MUC17: variants seen among roughly 807,000 people sequenced by gnomAD.
MUC17 encodes mucin 17, cell surface associated, also known as mucin-17.
A neutral mutation model predicts 170.3 loss-of-function variants in MUC17; 190 were observed. The observed-to-expected ratio is 1.12, with a 90% CI of 0.99 to 1.26. MUC17 has a LOEUF of 1.26. MUC17 is among the 50% of genes most tolerant of loss of function. The probability of loss-of-function intolerance (pLI) is 0.00; values close to 1 mark genes in which losing one functional copy is unlikely to be tolerated. For synonymous variants in MUC17, 2,325 were observed against 2,002.5 expected (o/e 1.16, Z -4.30); for missense variants, 6,415 against 5,530.0 (o/e 1.16, Z -5.08).
chr7:101,051,861 C>A lies in MUC17; in HGVS notation c.13002C>A (p.Asp4334Glu). 2 of 1,614,204 alleles carry A rather than the reference C, an allele frequency of 1.2e-6. No individual in the cohort carries two copies. The highest frequency in any genetic ancestry group is 4.5e-5 in the East Asian group (2 of 44,882). ...ACTACTTCGTAGTGGAGTACCGGGA[C>A]CAGAAGCCATACTGCATCAGCCCCT... ...YGDYFVVEYR[D>E]QKPYCISPCE... is the part of the protein sequence containing the mutation. Residue 4334 changes from aspartate (D) to glutamate (E), a missense_variant, in exon 9 of 13, where the codon GAC (aspartate) becomes GAA (glutamate). Transcript: ENST00000306151.
At chr7:101,053,796 C>T (rs1310410273) in intron 11 of MUC17, among the ~76,000 whole-genome samples, 3 of 151,222 alleles carry the variant, frequency 2.0e-5, no homozygotes, top group Non-Finnish European at 4.4e-5. Flanking sequence ...AGGAGAATCA[C>T]TTGAACCCGG....
At position 101,039,775 on chromosome 7, in the gene MUC17, G is replaced by T; in HGVS notation, c.8359G>T (p.Glu2787Ter). The change falls in exon 3 of 13, where the codon GAA (glutamate) becomes TAA (stop). Residue 2787 changes from glutamate to a stop codon, truncating the protein, a stop_gained. Coordinates refer to ENST00000306151, the MANE Select transcript of MUC17 (RefSeq NM_001040105.2). LOFTEE classifies it high-confidence loss of function. ...DTSIPVTTST[E>*]ASSSPTTAEV... ...CAGCATACCTGTCACCACTTCTACT[G>T]AAGCCAGTTCCTCTCCTACAACTGC... The T allele has an allele frequency of 6.2e-7, 1 of 1,607,828 alleles. No homozygotes were observed. The highest frequency in any genetic ancestry group is 8.5e-7 in the Non-Finnish European group (1 of 1,176,882).
chr7:101,025,135 T>C (rs1488643245), intron 1 of MUC17, among the ~76,000 whole-genome samples: 1 of 145,974 alleles, frequency 6.9e-6, no homozygotes, highest in African/African-American at 2.5e-5. Flanking sequence ...GAGGCTGAGG[T>C]GGGAGGATCG....
rs769183702 is a variant in MUC17 at position 101,043,162 on chromosome 7, C to T, written c.11746C>T (p.Pro3916Ser). The part of the protein sequence containing the change: ...FTPSTDTAST[P>S]TIPVATTISV... ...CCCTTCTACTGACACTGCCTCAACT[C>T]CCACAATTCCTGTAGCCACCACCAT... Residue 3916 changes from proline (P) to serine (S), a missense_variant, in exon 3 of 13, where the codon CCC (proline) becomes TCC (serine). Pro to Ser is a moderately conservative substitution (Grantham distance 74, BLOSUM62 -1). Transcript: ENST00000306151. 12 of 1,614,168 alleles carry T rather than the reference C, an allele frequency of 7.4e-6. No individual in the cohort carries two copies. The highest frequency in any genetic ancestry group is 1.0e-5 in the Non-Finnish European group (12 of 1,180,020).
intron 3 of MUC17, among the ~76,000 whole-genome samples, chr7:101,044,577 A>C (rs768391033): frequency 6.6e-6 from 1 of 152,142 alleles, no homozygotes; most frequent in Non-Finnish European, 1.5e-5. Flanking sequence ...TTTTGAACAA[A>C]GCATTACCTC....
At position 101,032,123 on chromosome 7, in the gene MUC17, T is replaced by A; in HGVS notation, c.707T>A (p.Leu236His). 3 of 1,613,222 alleles carry A rather than the reference T, an allele frequency of 1.9e-6. No individual in the cohort carries two copies. The highest frequency in any genetic ancestry group is 2.5e-6 in the Non-Finnish European group (3 of 1,179,796). The change falls in exon 3 of 13, where the codon CTT (leucine) becomes CAT (histidine). Residue 236 changes from leucine (L) to histidine (H), a missense_variant. Leu to His is a moderately conservative substitution (Grantham distance 99). Coordinates refer to ENST00000306151, the MANE Select transcript of MUC17 (RefSeq NM_001040105.2). ...GTGGCCAGTTCAGAGGCTATCACCC[T>A]TTTGACAACTCCTGTTGAAATCAGC... Reference protein sequence around the residue: ...MKVASSEAITLLTTPVEISTP... With the variant: ...MKVASSEAITHLTTPVEISTP...
At chr7:101,027,874 C>T (rs1035053164) in intron 1 of MUC17, among the ~76,000 whole-genome samples, 3 of 151,702 alleles carry the variant, frequency 2.0e-5, no homozygotes, top group Non-Finnish European at 4.4e-5. Flanking sequence ...AGGGCTCAAG[C>T]AGTTCTCCTG....
intron 1 of MUC17, among the ~76,000 whole-genome samples, chr7:101,025,325 T>G (rs1794160816): frequency 6.7e-6 from 1 of 149,006 alleles, no homozygotes; most frequent in Admixed American, 6.7e-5. Context: ...TTTGCACCAC[T>G]GCAATCCAGC....
rs1239699759 is a variant in MUC17, at chr7:101,039,513, C to G, written c.8097C>G (p.Val2699=). 6.2e-7 allele frequency: 1 copy of G among 1,610,804 alleles called. No homozygotes were observed. Among genetic ancestry groups the G allele is most frequent in the Admixed American group, 1.7e-5 (1 of 59,494 alleles). ...GCACTCCATTAACAAATATACTTGT[C>G]AGCACCACGCTGTTGGCCAATTCTG... ...ERSTPLTNIL[V]STTLLANSEA... The change falls in exon 3 of 13, where the codon GTC becomes GTG. Residue 2699 remains valine, a synonymous_variant. Transcript: ENST00000306151.
chr7:101,054,057 CAAAAAAAAAAAAAA>C (rs58623975), intron 11 of MUC17, among the ~76,000 whole-genome samples: 42 of 40,382 alleles, frequency 1.0e-3, no homozygotes, highest in South Asian at 4.3e-3. Flanking sequence ...AAGACCCTGT[CAAAAAAAAAAAAAA>C]AAAAAAAAAA....
Position 101,035,515 on chromosome 7 carries a change from C to G in MUC17, c.4099C>G (p.Pro1367Ala), listed in dbSNP as rs767105018. ...AACAACTCCTGTTGACAACAGCACA[C>G]CTGTGACCACTTCTACTGAAGCCTG... ...LSTTPVDNST[P>A]VTTSTEACSS... The change falls in exon 3 of 13, where the codon CCT becomes GCT. Residue 1367 changes from proline to alanine, a missense_variant. Physicochemically the swap from Pro to Ala is conservative, Grantham distance 27. Coordinates refer to ENST00000306151, the MANE Select transcript of MUC17 (RefSeq NM_001040105.2). 1.6e-5 allele frequency: 25 copies of G among 1,596,528 alleles called. No individual in the cohort carries two copies. Among genetic ancestry groups the G allele is most frequent in the African/African-American group, 1.2e-4 (9 of 73,706 alleles).
At chr7:101,024,104 A>T (rs972143854) in intron 1 of MUC17, among the ~76,000 whole-genome samples, 4 of 151,348 alleles carry the variant, frequency 2.6e-5, no homozygotes, top group South Asian at 2.1e-4. Flanking sequence ...TTTTTTTTTT[A>T]AAAGAGAAAT....
In MUC17 at chr7:101,041,843, G is replaced by A. The variant is rs1480488687; in HGVS notation, c.10427G>A (p.Ser3476Asn). The change falls in exon 3 of 13, where the codon AGC becomes AAC. Residue 3476 changes from serine (S) to asparagine (N), a missense_variant. Coordinates refer to ENST00000306151, the MANE Select transcript of MUC17 (RefSeq NM_001040105.2). ...ACGCCGGTGGCCAGTTCTGAGGCTA[G>A]CACCCTTTCAACAACTCCTGTTGAC... ...STTPVASSEA[S>N]TLSTTPVDTS... 3 of 1,613,752 alleles carry A rather than the reference G, an allele frequency of 1.9e-6. No homozygotes were observed. The highest frequency in any genetic ancestry group is 2.5e-6 in the Non-Finnish European group (3 of 1,179,908).
At position 101,034,799 on chromosome 7, in the gene MUC17, C is replaced by G. The variant is rs777596948; in HGVS notation, c.3383C>G (p.Thr1128Ser). 45 of 1,603,546 alleles carry G rather than the reference C, an allele frequency of 2.8e-5. No homozygotes were observed. The highest frequency in any genetic ancestry group is 3.6e-5 in the Non-Finnish European group (42 of 1,174,070). Residue 1128 changes from threonine (T) to serine (S), a missense_variant, in exon 3 of 13, where the codon ACC becomes AGC. Physicochemically the swap from Thr to Ser is moderately conservative, Grantham distance 58. Transcript: ENST00000306151. ...ASTLSTTPVD[T>S]SIPVTTSTEA... The stretch of plus-strand genomic sequence containing the variant: ...ACCCTTTCCACAACTCCTGTCGACA[C>G]CAGCATACCTGTCACCACTTCTACT...
At chr7:101,023,234 C>G (rs972693571) in intron 1 of MUC17, among the ~76,000 whole-genome samples, 1 of 152,064 alleles carries the variant, frequency 6.6e-6, no homozygotes, top group African/African-American at 2.4e-5. Flanking sequence ...CAGTTTAACT[C>G]GATCCCCTGC....
At chr7:101,027,212 A>G (rs1055853249) in intron 1 of MUC17, among the ~76,000 whole-genome samples, 17 of 152,024 alleles carry the variant, frequency 1.1e-4, no homozygotes. Context: ...ATATTATACT[A>G]ATTTGCATGA....
chr7:101,027,153 C>T (rs1794195339), intron 1 of MUC17, among the ~76,000 whole-genome samples: 1 of 152,046 alleles, frequency 6.6e-6, no homozygotes, highest in Admixed American at 6.6e-5. Flanking sequence ...CATAGCAAGA[C>T]CCCATCTGTA....
chr7:101,056,999 C>T (rs1795057451), intron 12 of MUC17, among the ~76,000 whole-genome samples: 1 of 151,950 alleles, frequency 6.6e-6, no homozygotes, highest in Non-Finnish European at 1.5e-5. Flanking sequence ...GTCTCACACT[C>T]CTGGTTTGTT....
chr7:101,036,226 G>T lies in MUC17; in HGVS notation c.4810G>T (p.Val1604Leu). 6.2e-7 allele frequency: 1 copy of T among 1,613,980 alleles called. No individual in the cohort carries two copies. The highest frequency in any genetic ancestry group is 8.5e-7 in the Non-Finnish European group (1 of 1,179,990). The stretch of plus-strand genomic sequence containing the variant: ...AACCCCTATTGACTCCAAAACTCAG[G>T]TGACCGCTTCTACTGAAGCCAGTTC... ...STTPIDSKTQ[V>L]TASTEASSST... Residue 1604 changes from valine to leucine, a missense_variant, in exon 3 of 13, where the codon GTG becomes TTG. Coordinates refer to ENST00000306151, the MANE Select transcript of MUC17 (RefSeq NM_001040105.2).
Sources: gnomAD v4.1 joint callset for allele counts (sites outside exome capture counted in the v4.1 genomes callset) on GRCh38, gnomAD v4.1.1 for gene constraint, MANE v1.5 for transcripts, NCBI Gene and HGNC (gene_info 2026-07-23, HGNC 2026-07-21) for gene names.